The following BTBD9 variants were observed in gnomAD, a reference collection of about 807,000 sequenced individuals.
BTBD9 encodes the protein BTB/POZ domain-containing protein 9.
In BTBD9, 49 loss-of-function variants were observed where a neutral mutation model predicts 64.3. The observed-to-expected ratio is 0.76, with a 90% CI of 0.61 to 0.97. BTBD9 has a LOEUF of 0.97. Ranked by LOEUF, BTBD9 falls within the 50% of genes least tolerant of loss-of-function variation. BTBD9 has a pLI of 0.00. For synonymous variants in BTBD9, 260 were observed against 274.7 expected (o/e 0.95, Z 0.53); for missense variants, 598 against 762.1 (o/e 0.78, Z 2.53).
chr6:38,579,413 A>C (rs1411427132), intron 5 of BTBD9, among the ~76,000 whole-genome samples: 1 of 152,230 alleles, frequency 6.6e-6, no homozygotes, highest in Non-Finnish European at 1.5e-5. Flanking sequence ...ATAAACAGCA[A>C]TGAAGGAAAC....
At chr6:38,387,657 A>G (rs567171132) in intron 6 of BTBD9, among the ~76,000 whole-genome samples, 5 of 152,362 alleles carry the variant, frequency 3.3e-5, no homozygotes, top group African/African-American at 1.2e-4. Flanking sequence ...AGTATGACAG[A>G]CACTGTGAGT....
intron 4 of BTBD9, among the ~76,000 whole-genome samples, chr6:38,586,770 T>C: frequency 6.6e-6 from 1 of 152,172 alleles, no homozygotes; most frequent in East Asian, 1.9e-4. Context: ...AATGTTAAGA[T>C]AACATTTACT....
intron 6 of BTBD9, among the ~76,000 whole-genome samples, chr6:38,361,118 G>A (rs1037789462): frequency 5.3e-5 from 8 of 152,118 alleles, no homozygotes; most frequent in African/African-American, 1.7e-4. Flanking sequence ...GGGGGACTTC[G>A]GAAATATATG....
intron 6 of BTBD9, among the ~76,000 whole-genome samples, chr6:38,533,257 G>A (rs945730360): frequency 4.6e-5 from 7 of 152,064 alleles, no homozygotes; most frequent in African/African-American, 1.4e-4. Context: ...AAGAACAGGA[G>A]TAGCTATACT....
chr6:38,290,820 G>A (rs921106144), intron 7 of BTBD9, among the ~76,000 whole-genome samples: 1 of 152,078 alleles, frequency 6.6e-6, no homozygotes, highest in African/African-American at 2.4e-5. Flanking sequence ...GCTCCAGGGA[G>A]AAAAAATGGG....
intron 10 of BTBD9, among the ~76,000 whole-genome samples, chr6:38,177,932 T>A (rs1201809842): frequency 1.3e-5 from 2 of 152,234 alleles, no homozygotes; most frequent in African/African-American, 2.4e-5. Context: ...CTCTCCCTGA[T>A]GCCACAGAGC....
At chr6:38,467,273 G>A (rs79270996) in intron 6 of BTBD9, among the ~76,000 whole-genome samples, 5,172 of 152,082 alleles carry the variant, frequency 0.034, 175 homozygotes, top group East Asian at 0.094. Flanking sequence ...ACCGTCAGAC[G>A]CTTCTTTTCC....
At chr6:38,596,215 A>G (rs1777025077) in intron 2 of BTBD9, 1 of 276,296 alleles carries the variant, frequency 3.6e-6, no homozygotes, top group Non-Finnish European at 5.5e-6. Context: ...GGTAGAGCTT[A>G]GCTCTAAGAT....
intron 1 of BTBD9, among the ~76,000 whole-genome samples, chr6:38,634,317 A>G (rs1778459612): frequency 1.3e-5 from 2 of 152,206 alleles, no homozygotes; most frequent in African/African-American, 4.8e-5. Flanking sequence ...AACATGTAAA[A>G]CCCAAAGAAT....
In BTBD9 at chr6:38,572,206, A is replaced by C. The variant is rs79161081; in HGVS notation, c.1154+5394T>G. Among the ~76,000 whole-genome samples, 466 of 152,220 alleles carry C rather than the reference A, an allele frequency of 3.1e-3. 2 individuals carry two copies. The highest frequency in any genetic ancestry group is 0.011 in the African/African-American group (448 of 41,538). On this transcript the variant is annotated intron_variant, in intron 6 of 10. Transcript: ENST00000481247. ...TGTTTGTTTTAATCTGTTTCTCCCA[A>C]ATTCCAAAAGCACAGAAACCTTGGC... is the stretch of plus-strand genomic sequence containing the variant.
At chr6:38,349,191 A>C (rs1298475131) in intron 6 of BTBD9, among the ~76,000 whole-genome samples, 2 of 152,052 alleles carry the variant, frequency 1.3e-5, no homozygotes, top group Non-Finnish European at 2.9e-5. Flanking sequence ...CCTGACCCCC[A>C]AATTTTTTTT....
chr6:38,261,065 G>C (rs1292716706), intron 8 of BTBD9, among the ~76,000 whole-genome samples: 1 of 151,738 alleles, frequency 6.6e-6, no homozygotes, highest in African/African-American at 2.4e-5. Flanking sequence ...TCAGCTTCCT[G>C]AGTAGCTAGG....
In BTBD9 at chr6:38,374,297, G is replaced by GTA. The variant is rs1468972879; in HGVS notation, c.1155-29206_1155-29205dup. Among the ~76,000 whole-genome samples, 92 of 53,680 alleles carry GTA rather than the reference G, an allele frequency of 1.7e-3. 5 individuals are homozygous for GTA. The highest frequency in any genetic ancestry group is 7.6e-3 in the African/African-American group (86 of 11,290). 35.2% of individuals were successfully genotyped at this position (53,680 alleles called of 152,430 possible). On this transcript the variant is annotated intron_variant, in intron 6 of 10. Coordinates refer to ENST00000481247, the MANE Select transcript of BTBD9 (RefSeq NM_001099272.2). ...AAAAAAAAAAAGTATATATATATAT[G>GTA]TATATATATGTATATATATATATAT...
intron 9 of BTBD9, chr6:38,193,743 G>GA: frequency 1.1e-6 from 1 of 932,036 alleles, no homozygotes; most frequent in South Asian, 5.0e-5. Flanking sequence ...CCAGCTGCTG[G>GA]AAGCTGTTTC....
chr6:38,207,772 C>T (rs2069295311), intron 9 of BTBD9, among the ~76,000 whole-genome samples: 1 of 151,870 alleles, frequency 6.6e-6, no homozygotes, highest in Admixed American at 6.6e-5. Flanking sequence ...TTTCAGTCTA[C>T]AGTTTTAGAT....
intron 9 of BTBD9, among the ~76,000 whole-genome samples, chr6:38,251,643 T>C (rs982592451): frequency 6.6e-6 from 1 of 152,028 alleles, no homozygotes; most frequent in African/African-American, 2.4e-5. Flanking sequence ...CTCACGCCTG[T>C]ACTTTGGGAG....
At chr6:38,207,154 AT>A (rs1249671119) in intron 9 of BTBD9, 1 of 165,594 alleles carries the variant, frequency 6.0e-6, no homozygotes, top group Non-Finnish European at 1.3e-5. Context: ...GGTTAAGTAC[AT>A]TATGGTAGAT....
chr6:38,404,768 C>CAGCA (rs1219980023), intron 6 of BTBD9, among the ~76,000 whole-genome samples: 1 of 152,146 alleles, frequency 6.6e-6, no homozygotes, highest in African/African-American at 2.4e-5. Context: ...TGACCCTGGC[C>CAGCA]AGCAGAGGAT....
rs558731969 is a variant in BTBD9 at position 38,176,222 on chromosome 6, C to T, written c.1642-1040G>A. Among the ~76,000 whole-genome samples the T allele has an allele frequency of 3.9e-5, 6 of 152,324 alleles. No individual in the cohort carries two copies. In the South Asian group the frequency reaches 8.3e-4, roughly 21 times the overall value. On this transcript the variant is annotated intron_variant, in intron 10 of 10. Transcript: ENST00000481247. ...GAGCATGTGTGCACATACATACACA[C>T]GGCCTTCTACCGTAGAATCAAGTTC...
Sources: gnomAD v4.1 joint callset for allele counts (sites outside exome capture counted in the v4.1 genomes callset) on GRCh38, gnomAD v4.1.1 for gene constraint, MANE v1.5 for transcripts, NCBI Gene and HGNC (gene_info 2026-07-23, HGNC 2026-07-21) for gene names.